SGCD: variants seen among roughly 807,000 people sequenced by gnomAD.
SGCD encodes sarcoglycan delta.
In SGCD, 18 loss-of-function variants were observed where a neutral mutation model predicts 36.6. The observed-to-expected ratio is 0.49, with a 90% CI of 0.34 to 0.73. The LOEUF is 0.73. Among genes scored for constraint, SGCD ranks in the 30% least tolerant of loss-of-function variants. The probability of loss-of-function intolerance (pLI) is 0.01; values close to 1 mark genes in which losing one functional copy is unlikely to be tolerated. For missense variants in SGCD, 387 were observed against 346.7 expected, an observed-to-expected ratio of 1.12 and a Z score of -0.92; for synonymous variants, 133 against 130.6, an observed-to-expected ratio of 1.02 and a Z score of -0.12.
chr5:156,020,260 T>A (rs73810399), intron 1 of SGCD, among the ~76,000 whole-genome samples: 9,037 of 152,286 alleles, frequency 0.059, 942 homozygotes, highest in African/African-American at 0.21. Flanking sequence ...CTCCTCTTCA[T>A]TTTTGTATTT....
intron 6 of SGCD, among the ~76,000 whole-genome samples, chr5:156,607,512 T>C (rs542460872): frequency 2.4e-4 from 36 of 152,336 alleles, no homozygotes; most frequent in Middle Eastern, 3.4e-3. Flanking sequence ...ATTCTCTTTT[T>C]TGGTTGTGTC....
At chr5:156,132,172 G>A (rs1309581941) in intron 3 of SGCD, among the ~76,000 whole-genome samples, 6 of 152,144 alleles carry the variant, frequency 3.9e-5, no homozygotes, top group Admixed American at 2.6e-4. Context: ...ATCACTGAGG[G>A]TGGGGAGATG....
At position 156,153,691 on chromosome 5, in the gene SGCD, A is replaced by G. The variant is rs1007622208; in HGVS notation, c.-44+29672A>G. Among the ~76,000 whole-genome samples, 18 of 151,684 alleles carry G rather than the reference A, an allele frequency of 1.2e-4. 2 individuals carry two copies. The highest frequency in any genetic ancestry group is 4.4e-4 in the African/African-American group (18 of 40,998). Reference sequence around the variant, plus strand: ...GTGATTTTGTAGCCATTCATTTAGAAATAGTGTTTGTCAGATCTGGGGGAA... The same window carrying G: ...GTGATTTTGTAGCCATTCATTTAGAGATAGTGTTTGTCAGATCTGGGGGAA... On this transcript the variant is annotated intron_variant, in intron 3 of 9. Coordinates refer to the SGCD transcript ENST00000517913.
chr5:156,669,133 A>G (rs1335230670), intron 7 of SGCD, among the ~76,000 whole-genome samples: 1 of 152,154 alleles, frequency 6.6e-6, no homozygotes, highest in Non-Finnish European at 1.5e-5. Flanking sequence ...GAAAGTTCAA[A>G]GTAGATAGTC....
intron 3 of SGCD, among the ~76,000 whole-genome samples, chr5:156,417,281 GATA>G (rs375976361): frequency 3.6e-4 from 55 of 152,136 alleles, no homozygotes; most frequent in Non-Finnish European, 7.1e-4. Flanking sequence ...CCCTCTTGGA[GATA>G]ATATCTCAAG....
chr5:156,035,563 T>C lies in SGCD; in HGVS notation c.-281-82315T>C, dbSNP rs115731543. ...TGTTTGAGGCTACAGTGAGCCATGA[T>C]TGTGCCACTGAACTCCAGCTTGGAG... On this transcript the variant is annotated intron_variant, in intron 1 of 9. Transcript: ENST00000517913. 2.5e-3 allele frequency among the ~76,000 whole-genome samples: 374 copies of C among 152,208 alleles called. 2 individuals are homozygous for C. The highest frequency in any genetic ancestry group is 5.1e-3 in the Admixed American group (78 of 15,284).
chr5:155,761,393 A>ATCTCCATCACCCTCTCCATCATCC, the SGCD span, among the ~76,000 whole-genome samples: 1 of 70,922 alleles, frequency 1.4e-5, no homozygotes, highest in African/African-American at 5.9e-5. Context: ...CTCCATCATC[A>ATCTCCATCACCCTCTCCATCATCC]TCTCCATCAC....
chr5:155,818,461 G>T, the SGCD span, among the ~76,000 whole-genome samples: 1 of 152,070 alleles, frequency 6.6e-6, no homozygotes, highest in Non-Finnish European at 1.5e-5. Context: ...GAGAGGAGAG[G>T]GGTGCAGGCC....
rs1407256320 is a variant in SGCD, at chr5:155,885,444, G to A, written c.-282+15020G>A. Reference sequence around the variant, plus strand: ...ATTGAGTTAGGAGGTGCAGCATTACGTCTATGTATCATCAAAGTAAAAAAA... The same window carrying A: ...ATTGAGTTAGGAGGTGCAGCATTACATCTATGTATCATCAAAGTAAAAAAA... On this transcript the variant is annotated intron_variant, in intron 1 of 9. Coordinates refer to the SGCD transcript ENST00000517913. Among the ~76,000 whole-genome samples, 2 of 79,970 alleles carry A rather than the reference G, an allele frequency of 2.5e-5. 1 individual carries two copies. Among genetic ancestry groups the A allele is most frequent in the Non-Finnish European group, 4.5e-5 (2 of 44,772 alleles). The allele number at this position is 79,970 out of a possible 152,430, so 52.5% of individuals were successfully genotyped here. A position where few individuals can be genotyped will look rare whatever the true frequency, so the allele number is the denominator to read the frequency against.
intron 4 of SGCD, among the ~76,000 whole-genome samples, chr5:156,529,940 A>C (rs1233205533): frequency 1.3e-5 from 2 of 152,356 alleles, no homozygotes; most frequent in Non-Finnish European, 2.9e-5. Flanking sequence ...AATGGTCTGC[A>C]AAGTAAATGA....
intron 4 of SGCD, among the ~76,000 whole-genome samples, chr5:156,586,808 T>G (rs910798958): frequency 6.6e-6 from 1 of 152,202 alleles, no homozygotes; most frequent in Non-Finnish European, 1.5e-5. Context: ...CAGCCTCCTG[T>G]TGAGGATTTC....
At chr5:156,308,841 C>T (rs1767309787) in intron 3 of SGCD, among the ~76,000 whole-genome samples, 6 of 152,114 alleles carry the variant, frequency 3.9e-5, no homozygotes, top group Admixed American at 3.9e-4. Context: ...CAGAGCTGGT[C>T]TAGTGATAAT....
chr5:156,423,295 A>C (rs1187469426), intron 3 of SGCD, among the ~76,000 whole-genome samples: 1 of 110,448 alleles, frequency 9.1e-6, no homozygotes, highest in Non-Finnish European at 1.7e-5. Flanking sequence ...TTTTATTATA[A>C]TATAATATAT....
At chr5:155,770,919 G>T in the SGCD span, among the ~76,000 whole-genome samples, 1 of 152,096 alleles carries the variant, frequency 6.6e-6, no homozygotes, top group Non-Finnish European at 1.5e-5. Flanking sequence ...TTAAAAAACA[G>T]ACGTGATCTC....
At chr5:156,614,546 A>T (rs1179964303) in intron 6 of SGCD, among the ~76,000 whole-genome samples, 1 of 152,192 alleles carries the variant, frequency 6.6e-6, no homozygotes, top group Non-Finnish European at 1.5e-5. Flanking sequence ...CCATTCGCTG[A>T]TCCCTTTACT....
chr5:156,508,591 T>A lies in SGCD; in HGVS notation c.193-10T>A, dbSNP rs886060285. 3 of 1,561,282 alleles carry A rather than the reference T, an allele frequency of 1.9e-6. No individual in the cohort carries two copies. The highest frequency in any genetic ancestry group is 2.2e-5 in the South Asian group (2 of 89,714). ...CATATCTTCCTTGTTATCTCTGTGT[T>A]CTATTTCAGGATGGAATGGGAAACC... is the stretch of plus-strand genomic sequence containing the variant. On this transcript the variant is annotated splice_polypyrimidine_tract_variant and intron_variant, in intron 3 of 8. Coordinates refer to ENST00000337851, the MANE Select transcript of SGCD (RefSeq NM_000337.6).
chr5:156,023,070 C>G (rs1044155363), intron 1 of SGCD, among the ~76,000 whole-genome samples: 1 of 152,188 alleles, frequency 6.6e-6, no homozygotes, highest in Non-Finnish European at 1.5e-5. Flanking sequence ...CTCCATGACC[C>G]ACACAGTGAT....
intron 1 of SGCD, among the ~76,000 whole-genome samples, chr5:156,115,866 A>T (rs1761894315): frequency 6.6e-6 from 1 of 152,136 alleles, no homozygotes; most frequent in African/African-American, 2.4e-5. Flanking sequence ...ATTTCCTATA[A>T]GTGAGATTTA....
chr5:156,019,884 G>A (rs1271628562), intron 1 of SGCD, among the ~76,000 whole-genome samples: 2 of 152,262 alleles, frequency 1.3e-5, no homozygotes, highest in South Asian at 2.1e-4. Context: ...AGCATTTAAA[G>A]CCCTGTGCTG....
Sources: gnomAD v4.1 joint callset for allele counts (sites outside exome capture counted in the v4.1 genomes callset) on GRCh38, gnomAD v4.1.1 for gene constraint, MANE v1.5 for transcripts, NCBI Gene and HGNC (gene_info 2026-07-23, HGNC 2026-07-21) for gene names.